Variants in SH3PXD2B observed in about 807,000 individuals in gnomAD.
SH3PXD2B encodes SH3 and PX domains 2B, also known as SH3 and PX domain-containing protein 2B.
SH3PXD2B carries 37 observed loss-of-function variants against 73.1 expected under a neutral mutation model. The observed-to-expected ratio is 0.51, with a 90% CI of 0.39 to 0.67. The LOEUF is 0.67. Ranked by LOEUF, SH3PXD2B falls within the 30% of genes least tolerant of loss-of-function variation. SH3PXD2B has a pLI of 0.00. For synonymous variants in SH3PXD2B, 457 were observed against 480.5 expected, an observed-to-expected ratio of 0.95 and a Z score of 0.64; for missense variants, 1,053 against 1,197.8, an observed-to-expected ratio of 0.88 and a Z score of 1.78.
intron 10 of SH3PXD2B, among the ~76,000 whole-genome samples, chr5:172,348,654 C>CTATCTTATCTTAT (rs1440672001): frequency 4.1e-4 from 25 of 60,444 alleles, no homozygotes; most frequent in African/African-American, 8.7e-4. Flanking sequence ...ATCTATCTAT[C>CTATCTTATCTTAT]CTATCTATCT....
intron 1 of SH3PXD2B, 100 bp downstream of exon 1, chr5:172,454,178 A>C: frequency 1.1e-6 from 1 of 925,308 alleles, no homozygotes; most frequent in Non-Finnish European, 1.6e-6. Context: ...GGAGGAGGGG[A>C]CGGGAAGCGC....
At chr5:172,423,538 A>G (rs1215757515) in intron 1 of SH3PXD2B, among the ~76,000 whole-genome samples, 1 of 81,000 alleles carries the variant, frequency 1.2e-5, no homozygotes, top group Non-Finnish European at 2.3e-5. Context: ...CCACTTGGAT[A>G]CGGGGTTGGG....
At chr5:172,384,206 G>A (rs1055038054) in intron 4 of SH3PXD2B, among the ~76,000 whole-genome samples, 6 of 152,104 alleles carry the variant, frequency 3.9e-5, no homozygotes, top group African/African-American at 1.2e-4. Flanking sequence ...CCAAAGTGAT[G>A]TGCCGACGCT....
At chr5:172,368,639 G>GTT (rs1757617196) in intron 6 of SH3PXD2B, among the ~76,000 whole-genome samples, 1 of 9,272 alleles carries the variant, frequency 1.1e-4, no homozygotes, top group South Asian at 7.6e-3. Context: ...TAATATATAT[G>GTT]TTATATATAT....
chr5:172,438,802 T>C (rs1299309886), intron 1 of SH3PXD2B, among the ~76,000 whole-genome samples: 1 of 152,164 alleles, frequency 6.6e-6, no homozygotes, highest in East Asian at 1.9e-4. Context: ...TGTTCTGTAG[T>C]GGAGGTTACA....
chr5:172,407,909 G>A (rs538273555), intron 2 of SH3PXD2B, among the ~76,000 whole-genome samples: 32 of 152,220 alleles, frequency 2.1e-4, no homozygotes, highest in Non-Finnish European at 3.5e-4. Context: ...CCAACAAAGC[G>A]GAGGGGCCAG....
intron 4 of SH3PXD2B, among the ~76,000 whole-genome samples, chr5:172,383,798 G>A (rs1190113405): frequency 1.3e-5 from 2 of 152,038 alleles, no homozygotes; most frequent in Non-Finnish European, 2.9e-5. Flanking sequence ...CTGAGCCTGA[G>A]TCTCTGGGGT....
chr5:172,361,227 A>G (rs902786269), intron 7 of SH3PXD2B, among the ~76,000 whole-genome samples: 2 of 152,224 alleles, frequency 1.3e-5, no homozygotes, highest in Admixed American at 1.3e-4. Flanking sequence ...ACATGTGTAT[A>G]TAACATTTTC....
chr5:172,372,803 A>C (rs998309034), intron 6 of SH3PXD2B, among the ~76,000 whole-genome samples: 8 of 152,128 alleles, frequency 5.3e-5, no homozygotes, highest in Non-Finnish European at 7.4e-5. Context: ...CCTGATCCTC[A>C]TCAACCCCTT....
intron 9 of SH3PXD2B, among the ~76,000 whole-genome samples, chr5:172,350,948 C>G (rs548430000): frequency 6.6e-6 from 1 of 152,200 alleles, no homozygotes; most frequent in Non-Finnish European, 1.5e-5. Context: ...GATCTGTTCA[C>G]GCTGATGAAC....
intron 1 of SH3PXD2B, among the ~76,000 whole-genome samples, chr5:172,449,306 A>T (rs1427783242): frequency 1.3e-5 from 2 of 152,196 alleles, no homozygotes; most frequent in African/African-American, 4.8e-5. Context: ...CCAGAAGCCT[A>T]AGTGACCCAT....
intron 6 of SH3PXD2B, among the ~76,000 whole-genome samples, chr5:172,367,692 T>C (rs1757560700): frequency 6.6e-6 from 1 of 152,210 alleles, no homozygotes; most frequent in Admixed American, 6.5e-5. Flanking sequence ...AGTGGTCATG[T>C]AACGAAGCCC....
chr5:172,410,056 C>G (rs1758657291), intron 2 of SH3PXD2B, among the ~76,000 whole-genome samples: 1 of 152,250 alleles, frequency 6.6e-6, no homozygotes, highest in Admixed American at 6.5e-5. Context: ...CTGATGGGTA[C>G]TTAGGCTGAT....
chr5:172,377,436 C>T (rs758767480), intron 5 of SH3PXD2B, among the ~76,000 whole-genome samples: 7 of 152,190 alleles, frequency 4.6e-5, no homozygotes, highest in Non-Finnish European at 7.3e-5. Flanking sequence ...CCAGAACCAT[C>T]CCTTGGGCCC....
At chr5:172,409,658 T>C (rs1345401726) in intron 2 of SH3PXD2B, among the ~76,000 whole-genome samples, 1 of 152,232 alleles carries the variant, frequency 6.6e-6, no homozygotes, top group Non-Finnish European at 1.5e-5. Context: ...TTCCTTATTT[T>C]TGATGGCTGA....
Position 172,338,458 on chromosome 5 carries a change from T to C in SH3PXD2B, c.2647A>G (p.Ser883Gly), listed in dbSNP as rs200423669. ...ACCTGGCAGAACCACCAGCCACTGC[T>C]GTTCTTCTCCCGGACTTCAAACACT... ...GTVFEVREKN[S>G]SGWWFCQVLS... Residue 883 changes from serine to glycine, a missense_variant, in exon 13 of 13, where the codon AGC becomes GGC. This residue lies in a region of SH3PXD2B where 587 missense variants were observed against 590.7 expected (regional missense o/e 0.99). Coordinates refer to ENST00000311601, the MANE Select transcript of SH3PXD2B (RefSeq NM_001017995.3). This position sits in a 1 kb window ranked among gnomAD's most constrained non-coding sequence, Gnocchi z 5.1. 587 of 1,614,124 alleles carry C rather than the reference T, an allele frequency of 3.6e-4. No homozygotes were observed. Among genetic ancestry groups the C allele is most frequent in the Middle Eastern group, 4.9e-4 (3 of 6,084 alleles).
Position 172,350,408 on chromosome 5 carries a change from C to T in SH3PXD2B, c.967G>A (p.Gly323Arg), listed in dbSNP as rs111492578. The change falls in exon 10 of 13, where the codon GGG becomes AGG. Residue 323 changes from glycine (G) to arginine (R), a missense_variant. Gly to Arg is a moderately radical substitution (Grantham distance 125, BLOSUM62 -2). Transcript: ENST00000311601. Reference protein sequence around the residue: ...EKELLSSQRDGRFEGRPVPDG... With the variant: ...EKELLSSQRDRRFEGRPVPDG... ...GGCACCGGGCGGCCTTCAAACCGCCCGTCCCTCTGGCTGCTGAGCAGCTCC... is the reference window on the plus strand; with the variant it reads ...GGCACCGGGCGGCCTTCAAACCGCCTGTCCCTCTGGCTGCTGAGCAGCTCC... 4.7e-5 allele frequency: 76 copies of T among 1,613,966 alleles called. No homozygotes were observed. The highest frequency in any genetic ancestry group is 5.6e-5 in the Non-Finnish European group (66 of 1,180,024).
intron 1 of SH3PXD2B, among the ~76,000 whole-genome samples, chr5:172,426,173 C>G (rs754590573): frequency 2.6e-5 from 4 of 152,190 alleles, no homozygotes; most frequent in Non-Finnish European, 5.9e-5. Context: ...CTGCAGCAAG[C>G]CTAATTGGTT....
rs1425314743 is a variant in SH3PXD2B at position 172,334,673 on chromosome 5, T to C, written c.*3696A>G. On this transcript the variant is annotated 3_prime_UTR_variant, in exon 13 of 13. Coordinates refer to ENST00000311601, the MANE Select transcript of SH3PXD2B (RefSeq NM_001017995.3). ...CAGCTACGAATGTTTTTGTTCTTGA[T>C]GTCAAGTTGCCAGCTACTGGAAGGC... The C allele has an allele frequency of 2.0e-6, 2 of 985,404 alleles. No individual in the cohort carries two copies. Among genetic ancestry groups the C allele is most frequent in the Non-Finnish European group, 2.4e-6 (2 of 830,000 alleles). The allele number at this position is 985,404 out of a possible 1,614,324, so 61.0% of individuals were successfully genotyped here. A position where few individuals can be genotyped will look rare whatever the true frequency, so the allele number is the denominator to read the frequency against.
Sources: allele counts gnomAD v4.1 joint callset (sites outside exome capture counted in the v4.1 genomes callset), GRCh38; gene constraint gnomAD v4.1.1; regional missense constraint gnomAD v4.1.1; non-coding constraint Gnocchi (gnomAD v3.1); transcripts MANE v1.5; gene names NCBI Gene and HGNC (gene_info 2026-07-23, HGNC 2026-07-21).